Variants in PNPLA2 observed in about 807,000 individuals in gnomAD.
PNPLA2 encodes the protein patatin-like phospholipase domain-containing protein 2.
A neutral mutation model predicts 39.7 loss-of-function variants in PNPLA2; 28 were observed. The observed-to-expected ratio is 0.70, with a 90% confidence interval of 0.52 to 0.97. PNPLA2 has a LOEUF of 0.97. Among genes scored for constraint, PNPLA2 ranks in the 50% least tolerant of loss-of-function variants. The probability of loss-of-function intolerance (pLI) is 0.00; values close to 1 mark genes in which losing one functional copy is unlikely to be tolerated. For synonymous variants in PNPLA2, 392 were observed against 321.1 expected, an observed-to-expected ratio of 1.22 and a Z score of -2.36; for missense variants, 768 against 698.2, an observed-to-expected ratio of 1.10 and a Z score of -1.13.
At chr11:822,088 GGCC>G in intron 4 of PNPLA2, 65 bp downstream of exon 4, 1 of 1,448,854 alleles carries the variant, frequency 6.9e-7, no homozygotes, top group Non-Finnish European at 9.7e-7. Context: ...CAGAGGAGGA[GGCC>G]GCCTAGAGCC....
chr11:824,872 C>T lies in PNPLA2; in HGVS notation c.*10C>T, dbSNP rs553159712. On this transcript the variant is annotated 3_prime_UTR_variant, in exon 10 of 10. Coordinates refer to ENST00000336615, the MANE Select transcript of PNPLA2 (RefSeq NM_020376.4). ...GGCCCTGGGGCTGTGAGACCCCGAC[C>T]CTCTCGAGGAACCCTGCCTGAGACG... The T allele has an allele frequency of 2.0e-5, 30 of 1,530,208 alleles. No individual in the cohort carries two copies. In the South Asian group the frequency reaches 3.0e-4, roughly 15 times the overall value. 94.8% of individuals were successfully genotyped at this position (1,530,208 alleles called of 1,614,324 possible).
At position 819,864 on chromosome 11, in the gene PNPLA2, G is replaced by A; in HGVS notation, c.146G>A (p.Gly49Glu). Residue 49 changes from glycine (G) to glutamate (E), a missense_variant, in exon 2 of 10, where the codon GGG becomes GAG. Coordinates refer to ENST00000336615, the MANE Select transcript of PNPLA2 (RefSeq NM_020376.4). Reference protein sequence around the residue: ...NATHIYGASAGALTATALVTG... With the variant: ...NATHIYGASAEALTATALVTG... ...ACGCACATCTACGGCGCCTCGGCCG[G>A]GGCGCTCACGGCCACGGCGCTGGTC... The A allele has an allele frequency of 6.8e-7, 1 of 1,460,390 alleles. No homozygotes were observed. The highest frequency in any genetic ancestry group is 9.0e-7 in the Non-Finnish European group (1 of 1,106,324). 90.5% of individuals were successfully genotyped at this position (1,460,390 alleles called of 1,614,324 possible). A position where few individuals can be genotyped will look rare whatever the true frequency, so the allele number is the denominator to read the frequency against.
Position 824,071 on chromosome 11 carries a change from C to A in PNPLA2, c.993C>A (p.Ala331=). The change falls in exon 8 of 10, where the codon GCC becomes GCA. Residue 331 remains alanine (A), a synonymous_variant. Transcript: ENST00000336615. Reference sequence around the variant, plus strand: ...CCAACATGCTGCCTGTGCGTCTGGCCACGGCCATGATGGTGCCCTACACGC... The same window carrying A: ...CCAACATGCTGCCTGTGCGTCTGGCAACGGCCATGATGGTGCCCTACACGC... ...TLSNMLPVRL[A]TAMMVPYTLP... 6.2e-7 allele frequency: 1 copy of A among 1,608,534 alleles called. No individual in the cohort carries two copies. The highest frequency in any genetic ancestry group is 8.5e-7 in the Non-Finnish European group (1 of 1,178,548).
chr11:823,400 T>A (rs1022692656), intron 5 of PNPLA2, 127 bp from the exon 6 acceptor site: 1 of 836,166 alleles, frequency 1.2e-6, no homozygotes, highest in Non-Finnish European at 2.0e-6. Context: ...GTTCTGGATC[T>A]AGGATAGGTT....
Position 819,737 on chromosome 11 carries a change from A to G in PNPLA2, c.19A>G (p.Thr7Ala). 6.7e-7 allele frequency: 1 copy of G among 1,501,810 alleles called. No homozygotes were observed. The highest frequency in any genetic ancestry group is 8.9e-7 in the Non-Finnish European group (1 of 1,125,658). 93.0% of individuals were successfully genotyped at this position (1,501,810 alleles called of 1,614,324 possible). A position where few individuals can be genotyped will look rare whatever the true frequency, so the allele number is the denominator to read the frequency against. MFPREK[T>A]WNISFAGCGF... ...CGCCGCGATGTTTCCCCGCGAGAAGACGTGGAACATCTCGTTCGCGGGCTG... is the reference window on the plus strand; with the variant it reads ...CGCCGCGATGTTTCCCCGCGAGAAGGCGTGGAACATCTCGTTCGCGGGCTG... The change falls in exon 2 of 10, where the codon ACG becomes GCG. Residue 7 changes from threonine to alanine, a missense_variant. Coordinates refer to ENST00000336615, the MANE Select transcript of PNPLA2 (RefSeq NM_020376.4).
Position 822,516 on chromosome 11 carries a change from C to G in PNPLA2, c.606C>G (p.Ile202Met), listed in dbSNP as rs765379737. The change falls in exon 5 of 10, where the codon ATC (isoleucine) becomes ATG (methionine). Residue 202 changes from isoleucine (I) to methionine (M), a missense_variant. Physicochemically the swap from Ile to Met is conservative, Grantham distance 10. Transcript: ENST00000336615. ...DICPQDSSTNIHELRVTNTSI... is the reference protein window; with the variant it reads ...DICPQDSSTNMHELRVTNTSI... ...GTCCGCAGGACAGCTCCACCAACAT[C>G]CACGAGCTGCGGGTCACCAACACCA... 6.2e-7 allele frequency: 1 copy of G among 1,614,112 alleles called. No individual in the cohort carries two copies. Among genetic ancestry groups the G allele is most frequent in the Non-Finnish European group, 8.5e-7 (1 of 1,180,000 alleles).
At chr11:823,435 G>C in intron 5 of PNPLA2, 92 bp from the exon 6 acceptor site, 1 of 1,170,456 alleles carries the variant, frequency 8.5e-7, no homozygotes, top group Non-Finnish European at 1.3e-6. Flanking sequence ...TGCGGGTAGT[G>C]AAGGGAGGTG....
In PNPLA2 at chr11:821,778, G is replaced by A. The variant is rs145999340; in HGVS notation, c.338G>A (p.Arg113His). 2.0e-4 allele frequency: 327 copies of A among 1,613,938 alleles called. No homozygotes were observed. The highest frequency in any genetic ancestry group is 1.6e-3 in the Middle Eastern group (10 of 6,062). The change falls in exon 3 of 10, where the codon CGC becomes CAC. Residue 113 changes from arginine (R) to histidine (H), a missense_variant. Coordinates refer to ENST00000336615, the MANE Select transcript of PNPLA2 (RefSeq NM_020376.4). ...PADSHEHASG[R>H]LGISLTRVSD... ...GATAGCCATGAGCATGCCAGTGGGC[G>A]CCTGGGCATCTCCCTGACCCGCGTG...
chr11:824,243 C>T lies in PNPLA2; in HGVS notation c.1053-71C>T, dbSNP rs912868407. 18 of 1,548,176 alleles carry T rather than the reference C, an allele frequency of 1.2e-5. No homozygotes were observed. The Admixed American group carries it at 2.5e-4, about 22-fold the overall frequency. On this transcript the variant is annotated intron_variant, in intron 8 of 9. Transcript: ENST00000336615. ...GGGTGAGCAGTGCCAAGTCAGGGCACAGACAGGGCCCGGCGGGTGGGCATG... is the reference window on the plus strand; with the variant it reads ...GGGTGAGCAGTGCCAAGTCAGGGCATAGACAGGGCCCGGCGGGTGGGCATG...
chr11:822,771 A>G (rs1365676511), intron 5 of PNPLA2, among the ~76,000 whole-genome samples, 165 bp downstream of exon 5: 2 of 149,370 alleles, frequency 1.3e-5, no homozygotes, highest in Admixed American at 6.6e-5. Context: ...GGCCCATCCA[A>G]CCTCTCTGTC....
intron 2 of PNPLA2, among the ~76,000 whole-genome samples, 156 bp downstream of exon 2, chr11:820,061 C>T (rs1845618066): frequency 6.6e-6 from 1 of 151,982 alleles, no homozygotes; most frequent in Non-Finnish European, 1.5e-5. Flanking sequence ...GGATCCAATC[C>T]GGGTCGCTGG....
rs376110963 is a variant in PNPLA2 at position 823,980 on chromosome 11, C to A, written c.920-18C>A. On this transcript the variant is annotated intron_variant, in intron 7 of 9. Transcript: ENST00000336615. ...CCCCGCTGCCTCCACTGGCCGCCGA[C>A]CTCCCGCCCACCCGCAGCCCTGCTG... The A allele has an allele frequency of 6.3e-7, 1 of 1,592,320 alleles. No homozygotes were observed. Among genetic ancestry groups the A allele is most frequent in the Non-Finnish European group, 8.5e-7 (1 of 1,171,934 alleles).
Position 824,100 on chromosome 11 carries a change from C to T in PNPLA2, c.1022C>T (p.Pro341Leu), listed in dbSNP as rs1422458884. 6 of 1,601,344 alleles carry T rather than the reference C, an allele frequency of 3.7e-6. No individual in the cohort carries two copies. In the African/African-American group the frequency reaches 6.7e-5, roughly 18 times the overall value. The change falls in exon 8 of 10, where the codon CCG becomes CTG. Residue 341 changes from proline to leucine, a missense_variant. Coordinates refer to ENST00000336615, the MANE Select transcript of PNPLA2 (RefSeq NM_020376.4). ...GCCATGATGGTGCCCTACACGCTGCCGCTGGAGAGCGCTCTGTCCTTCACC... is the reference window on the plus strand; with the variant it reads ...GCCATGATGGTGCCCTACACGCTGCTGCTGGAGAGCGCTCTGTCCTTCACC... Reference protein sequence around the residue: ...ATAMMVPYTLPLESALSFTIR... With the variant: ...ATAMMVPYTLLLESALSFTIR...
In PNPLA2 at chr11:819,585, C is replaced by T. The variant is rs1845600059; in HGVS notation, c.-134C>T. 4 of 1,281,104 alleles carry T rather than the reference C, an allele frequency of 3.1e-6. No individual in the cohort carries two copies. Among genetic ancestry groups the T allele is most frequent in the African/African-American group, 1.6e-5 (1 of 63,786 alleles). 79.4% of individuals were successfully genotyped at this position (1,281,104 alleles called of 1,614,324 possible). A position where few individuals can be genotyped will look rare whatever the true frequency, so the allele number is the denominator to read the frequency against. On this transcript the variant is annotated 5_prime_UTR_variant, in exon 2 of 10. Transcript: ENST00000336615. ...CGCCGCCCGCGTAGCTTCTTCGCCT[C>T]CGCCAGCGGGGACCCCGAGCTAGAG...
chr11:820,637 G>A (rs1441816132), intron 2 of PNPLA2, among the ~76,000 whole-genome samples: 1 of 152,196 alleles, frequency 6.6e-6, no homozygotes, highest in Non-Finnish European at 1.5e-5. Context: ...GAGCCTGTGA[G>A]GACACCCAAG....
chr11:823,655 C>A, intron 6 of PNPLA2, 39 bp from the exon 7 acceptor site: 1 of 1,601,802 alleles, frequency 6.2e-7, no homozygotes, highest in Non-Finnish European at 8.5e-7. Flanking sequence ...GCCGCGGCCG[C>A]GCTGATGAAC....
At chr11:822,167 T>C in intron 4 of PNPLA2, 144 bp downstream of exon 4, 1 of 818,072 alleles carries the variant, frequency 1.2e-6, no homozygotes, top group Non-Finnish European at 2.0e-6. Context: ...AAGAAACAGC[T>C]GTGGCAACGC....
In PNPLA2 at chr11:822,000, ATCCC is replaced by A. The variant is rs796065310; in HGVS notation, c.475_478del (p.Leu159ArgfsTer96). On this transcript the variant is annotated frameshift_variant, in exon 4 of 10. Transcript: ENST00000336615. LOFTEE classifies it high-confidence loss of function. ...TTTCATCCCCGTGTACTGTGGGCTCATCCCTCCCTCCCTCCAGGGGGTGGTGAGT... is the reference window on the plus strand; with the variant it reads ...TTTCATCCCCGTGTACTGTGGGCTCATCCCTCCCTCCAGGGGGTGGTGAGT... The A allele has an allele frequency of 1.2e-6, 2 of 1,613,516 alleles. No homozygotes were observed. Among genetic ancestry groups the A allele is most frequent in the Non-Finnish European group, 1.7e-6 (2 of 1,179,732 alleles).
chr11:823,081 G>T (rs1845724848), intron 5 of PNPLA2, among the ~76,000 whole-genome samples: 5 of 150,156 alleles, frequency 3.3e-5, no homozygotes, highest in South Asian at 2.1e-4. Flanking sequence ...TTTTTGAGAT[G>T]AAGTCTCACA....
Sources: gnomAD v4.1 joint callset for allele counts (sites outside exome capture counted in the v4.1 genomes callset) on GRCh38, gnomAD v4.1.1 for gene constraint, MANE v1.5 for transcripts, NCBI Gene and HGNC (gene_info 2026-07-23, HGNC 2026-07-21) for gene names.